The following ITPRID1 variants were observed in gnomAD, a reference collection of about 807,000 sequenced individuals.
The protein encoded by ITPRID1 is protein ITPRID1.
Under a neutral mutation model 95.4 loss-of-function variants are expected in ITPRID1, and 96 were observed. The observed-to-expected ratio is 1.01, with a 90% CI of 0.85 to 1.19. The LOEUF (loss-of-function observed/expected upper bound fraction) is 1.19. Ranked by LOEUF, ITPRID1 falls within the 50% of genes most tolerant of loss-of-function variation. The pLI is 0.00. For synonymous variants in ITPRID1, 510 were observed against 453.6 expected (o/e 1.12, Z -1.58); for missense variants, 1,339 against 1,252.9 (o/e 1.07, Z -1.04).
rs1258900011 is a variant in ITPRID1, at chr7:31,655,396, T to G, written c.*2567T>G. On this transcript the variant is annotated 3_prime_UTR_variant, in exon 15 of 15. Transcript: ENST00000615280. The stretch of plus-strand genomic sequence containing the variant: ...CGAATTACCTGGCGACAGTGCAACA[T>G]AGGTGCTTCCTAACTGCCTCCAGCC... Among the ~76,000 whole-genome samples the G allele has an allele frequency of 6.6e-6, 1 of 152,186 alleles. No homozygotes were observed. Among genetic ancestry groups the G allele is most frequent in the Non-Finnish European group, 1.5e-5 (1 of 68,038 alleles).
intron 2 of ITPRID1, among the ~76,000 whole-genome samples, chr7:31,552,146 T>G (rs10276028): frequency 7.1e-6 from 1 of 141,456 alleles, no homozygotes; most frequent in Admixed American, 7.1e-5. Flanking sequence ...GTTTTACAGG[T>G]TGTTCATGAA....
rs1031242691 is a variant in ITPRID1 at position 31,655,431 on chromosome 7, C to G, written c.*2602C>G. Among the ~76,000 whole-genome samples, 1 of 152,206 alleles carries G rather than the reference C, an allele frequency of 6.6e-6. No homozygotes were observed. The highest frequency in any genetic ancestry group is 2.4e-5 in the African/African-American group (1 of 41,452). On this transcript the variant is annotated 3_prime_UTR_variant, in exon 15 of 15. Transcript: ENST00000615280. ...CTAACTGCCTCCAGCCACCTTCTCT[C>G]CAAACTGCACTGGCCTCTGCCAGGT...
rs746307822 is a variant in ITPRID1, at chr7:31,578,098, G to A, written c.834G>A (p.Lys278=). The A allele has an allele frequency of 1.7e-5, 27 of 1,613,552 alleles. 1 individual carries two copies. Among genetic ancestry groups the A allele is most frequent in the Non-Finnish European group, 4.2e-6 (5 of 1,179,650 alleles). ...DCNPEVSESF[K]VKDEVFVPFT... ...ACCCAGAGGTATCAGAGTCCTTCAA[G>A]GTGAAGGATGAAGTTTTTGTTCCCT... The change falls in exon 9 of 15, where the codon AAG becomes AAA. Residue 278 remains lysine, a synonymous_variant. Coordinates refer to ENST00000615280, the MANE Select transcript of ITPRID1 (RefSeq NM_001257967.3).
rs970719675 is a variant in ITPRID1, at chr7:31,642,220, G to C, written c.1273G>C (p.Gly425Arg). 1.9e-6 allele frequency: 3 copies of C among 1,560,184 alleles called. No homozygotes were observed. Among genetic ancestry groups the C allele is most frequent in the Non-Finnish European group, 2.6e-6 (3 of 1,152,724 alleles). The part of the protein sequence containing the change: ...RANSCQSDSS[G>R]FLEEPLEPLP... ...AAATAGCTGCCAGTCTGACAGCAGC[G>C]GGTTCCTGGAGGAGCCGCTGGAACC... Residue 425 changes from glycine to arginine, a missense_variant, in exon 11 of 15, where the codon GGG (glycine) becomes CGG (arginine). By Grantham distance (125) the Gly-to-Arg change is moderately radical (BLOSUM62 -2). Coordinates refer to ENST00000615280, the MANE Select transcript of ITPRID1 (RefSeq NM_001257967.3).
chr7:31,614,498 C>A (rs38335), intron 10 of ITPRID1, among the ~76,000 whole-genome samples: 148,705 of 152,268 alleles, frequency 0.98, 72,627 homozygotes, highest in East Asian at 0.99. Flanking sequence ...CTACAAAAGG[C>A]AGATATGAGA....
chr7:31,570,410 C>A (rs2128143111), intron 6 of ITPRID1, among the ~76,000 whole-genome samples: 1 of 152,298 alleles, frequency 6.6e-6, no homozygotes, highest in Non-Finnish European at 1.5e-5. Context: ...TTCAGCCACA[C>A]TCTTTTAAAA....
At chr7:31,557,592 A>G (rs1583494860) in intron 5 of ITPRID1, among the ~76,000 whole-genome samples, 1 of 152,164 alleles carries the variant, frequency 6.6e-6, no homozygotes, top group Non-Finnish European at 1.5e-5. Flanking sequence ...AAGCCAGGTA[A>G]AGCCCTTGGC....
intron 10 of ITPRID1, among the ~76,000 whole-genome samples, chr7:31,609,195 C>G (rs934519387): frequency 1.3e-5 from 2 of 151,360 alleles, no homozygotes; most frequent in African/African-American, 4.8e-5. Context: ...GGCATATAAT[C>G]CATTTTTTAT....
At chr7:31,554,319 A>AT (rs1265525539) in intron 3 of ITPRID1, 156 bp from the exon 4 acceptor site, 1 of 1,323,380 alleles carries the variant, frequency 7.6e-7, no homozygotes. Flanking sequence ...AAAACAGGAG[A>AT]TTTTGCCTTC....
At chr7:31,516,187 T>C (rs1050033974) in intron 1 of ITPRID1, among the ~76,000 whole-genome samples, 1 of 152,198 alleles carries the variant, frequency 6.6e-6, no homozygotes, top group African/African-American at 2.4e-5. Context: ...TAATAAACCC[T>C]CTTTGTAAAA....
intron 5 of ITPRID1, among the ~76,000 whole-genome samples, chr7:31,560,901 G>A (rs879686473): frequency 6.6e-5 from 10 of 152,090 alleles, no homozygotes; most frequent in East Asian, 1.9e-4. Context: ...TGTTAAAGAC[G>A]GAAGACCACA....
At chr7:31,532,058 C>T (rs919415653) in intron 1 of ITPRID1, among the ~76,000 whole-genome samples, 1 of 152,132 alleles carries the variant, frequency 6.6e-6, no homozygotes, top group African/African-American at 2.4e-5. Context: ...CATAATCATC[C>T]TGATCCACCA....
intron 5 of ITPRID1, among the ~76,000 whole-genome samples, chr7:31,566,599 A>T (rs1436185616): frequency 6.6e-6 from 1 of 152,198 alleles, no homozygotes; most frequent in Non-Finnish European, 1.5e-5. Flanking sequence ...GCAGGAATAA[A>T]TATTTTAAAA....
chr7:31,630,987 C>T (rs556140283), intron 10 of ITPRID1, among the ~76,000 whole-genome samples: 17 of 152,190 alleles, frequency 1.1e-4, no homozygotes, highest in African/African-American at 3.4e-4. Context: ...ATAAATTGTT[C>T]AGTTGGTGAC....
At chr7:31,650,399 A>G (rs1226534237) in intron 12 of ITPRID1, among the ~76,000 whole-genome samples, 1 of 152,168 alleles carries the variant, frequency 6.6e-6, no homozygotes, top group Non-Finnish European at 1.5e-5. Flanking sequence ...GAGAGTTCCA[A>G]AGTTCTCAGG....
chr7:31,658,390 T>C (rs1382310501), downstream of ITPRID1: 6 of 1,495,344 alleles, frequency 4.0e-6, no homozygotes, highest in East Asian at 1.2e-4. Context: ...TGGTCTGTTG[T>C]AATTGTTTTT....
chr7:31,574,425 T>G (rs1785102105), intron 7 of ITPRID1, 115 bp from the exon 8 acceptor site: 1 of 908,660 alleles, frequency 1.1e-6, no homozygotes, highest in Admixed American at 2.0e-5. Flanking sequence ...ACCGTTTGTC[T>G]ATTTAGGATC....
chr7:31,528,648 A>C (rs750575284), intron 1 of ITPRID1, among the ~76,000 whole-genome samples: 5 of 152,172 alleles, frequency 3.3e-5, no homozygotes, highest in Non-Finnish European at 7.4e-5. Flanking sequence ...TAGGGCTAGA[A>C]GGAAAGTATT....
chr7:31,526,198 A>G (rs1783416489), intron 1 of ITPRID1, among the ~76,000 whole-genome samples: 2 of 152,236 alleles, frequency 1.3e-5, no homozygotes, highest in Non-Finnish European at 2.9e-5. Flanking sequence ...CTCTAAAATA[A>G]CATGCTGTCC....
Sources: gnomAD v4.1 joint callset for allele counts (sites outside exome capture counted in the v4.1 genomes callset) on GRCh38, gnomAD v4.1.1 for gene constraint, MANE v1.5 for transcripts, NCBI Gene and HGNC (gene_info 2026-07-23, HGNC 2026-07-21) for gene names.